SRRM4: variants seen among roughly 807,000 people sequenced by gnomAD.
SRRM4 encodes serine/arginine repetitive matrix protein 4.
A neutral mutation model predicts 68.9 loss-of-function variants in SRRM4; 33 were observed. The observed-to-expected ratio is 0.48, with a 90% CI of 0.36 to 0.64. SRRM4 has a LOEUF of 0.64. SRRM4 is among the 30% of genes least tolerant of loss of function. SRRM4 has a pLI of 0.00. For missense variants in SRRM4, 817 were observed against 827.1 expected, an observed-to-expected ratio of 0.99 and a Z score of 0.15; for synonymous variants, 318 against 318.8, an observed-to-expected ratio of 1.00 and a Z score of 0.03.
intron 2 of SRRM4, among the ~76,000 whole-genome samples, chr12:119,106,400 A>C (rs999133826): frequency 1.6e-4 from 24 of 152,254 alleles, no homozygotes; most frequent in Non-Finnish European, 3.1e-4. Context: ...TACCTTGGGC[A>C]GTATGGCCAT....
At chr12:119,055,081 C>T (rs1250603130) in intron 1 of SRRM4, among the ~76,000 whole-genome samples, 2 of 152,102 alleles carry the variant, frequency 1.3e-5, no homozygotes, top group Non-Finnish European at 2.9e-5. Flanking sequence ...AGGGGCTTGT[C>T]CCTCAGAGAA....
chr12:119,114,534 A>C (rs1565911247), intron 3 of SRRM4, among the ~76,000 whole-genome samples, 170 bp downstream of exon 3: 1 of 152,050 alleles, frequency 6.6e-6, no homozygotes, highest in Non-Finnish European at 1.5e-5. Flanking sequence ...TTTTTATTAT[A>C]CTTCTCCAAA....
rs1020873483 is a variant in SRRM4 at position 119,126,789 on chromosome 12, G to A, written c.614+1310G>A. On this transcript the variant is annotated intron_variant, in intron 7 of 12. Transcript: ENST00000267260. The stretch of plus-strand genomic sequence containing the variant: ...GTTTATTGCGGCATTATTCACAATA[G>A]CAAAGACTTGGAACCAACCCAAATG... Among the ~76,000 whole-genome samples the A allele has an allele frequency of 1.7e-4, 26 of 151,416 alleles. No homozygotes were observed. The South Asian group carries it at 2.7e-3, about 16-fold the overall frequency.
chr12:119,156,894 G>A lies in SRRM4; in HGVS notation c.*96G>A. 1 of 1,393,984 alleles carries A rather than the reference G, an allele frequency of 7.2e-7. No homozygotes were observed. Among genetic ancestry groups the A allele is most frequent in the Non-Finnish European group, 9.5e-7 (1 of 1,058,096 alleles). 86.4% of individuals were successfully genotyped at this position (1,393,984 alleles called of 1,614,324 possible). A position where few individuals can be genotyped will look rare whatever the true frequency, so the allele number is the denominator to read the frequency against. On this transcript the variant is annotated 3_prime_UTR_variant, in exon 13 of 13. Coordinates refer to ENST00000267260, the MANE Select transcript of SRRM4 (RefSeq NM_194286.4). Reference sequence around the variant, plus strand: ...GCCTTCTTGGTGACAAATAGTGAGGGCTCCTATACCTTGTCCTTCCTGCTT... The same window carrying A: ...GCCTTCTTGGTGACAAATAGTGAGGACTCCTATACCTTGTCCTTCCTGCTT...
At chr12:119,152,096 C>T (rs901609246) in intron 10 of SRRM4, among the ~76,000 whole-genome samples, 2 of 152,172 alleles carry the variant, frequency 1.3e-5, no homozygotes, top group Non-Finnish European at 2.9e-5. Context: ...CATGAAATCT[C>T]AGAAATCGGA....
chr12:119,023,582 T>A (rs1433312290), intron 1 of SRRM4, among the ~76,000 whole-genome samples: 1 of 152,224 alleles, frequency 6.6e-6, no homozygotes, highest in East Asian at 1.9e-4. Flanking sequence ...TCTGGTCTCC[T>A]GAAAGCAGCC....
At chr12:119,024,782 G>T (rs1201092852) in intron 1 of SRRM4, among the ~76,000 whole-genome samples, 1 of 152,086 alleles carries the variant, frequency 6.6e-6, no homozygotes, top group Non-Finnish European at 1.5e-5. Flanking sequence ...TCCAACCCAG[G>T]CTGATGCTGG....
chr12:119,152,327 C>T (rs983846247), intron 10 of SRRM4, among the ~76,000 whole-genome samples: 1 of 152,060 alleles, frequency 6.6e-6, no homozygotes, highest in Non-Finnish European at 1.5e-5. Context: ...AATAGAAGAG[C>T]AAATCAGGCT....
chr12:119,009,147 C>A (rs1351044643), intron 1 of SRRM4, among the ~76,000 whole-genome samples: 1 of 152,152 alleles, frequency 6.6e-6, no homozygotes, highest in African/African-American at 2.4e-5. Context: ...CCCTCCCAGG[C>A]CCGCTGCAGC....
Position 118,990,862 on chromosome 12 carries a change from C to T in SRRM4, c.131+8849C>T, listed in dbSNP as rs931769463. 3.3e-4 allele frequency among the ~76,000 whole-genome samples: 50 copies of T among 152,178 alleles called. 2 individuals are homozygous for T. Among genetic ancestry groups the T allele is most frequent in the Non-Finnish European group, 4.4e-5 (3 of 68,030 alleles). Reference sequence around the variant, plus strand: ...TGAGATGGAGTCTCGCTCTGTCACCCAGGCTGGAGTGCAGTGGTGCGAACT... The same window carrying T: ...TGAGATGGAGTCTCGCTCTGTCACCTAGGCTGGAGTGCAGTGGTGCGAACT... On this transcript the variant is annotated intron_variant, in intron 1 of 12. Coordinates refer to ENST00000267260, the MANE Select transcript of SRRM4 (RefSeq NM_194286.4).
chr12:119,112,880 A>C (rs1954153378), intron 2 of SRRM4, among the ~76,000 whole-genome samples: 1 of 152,162 alleles, frequency 6.6e-6, no homozygotes, highest in Non-Finnish European at 1.5e-5. Flanking sequence ...TGACGGGTTG[A>C]TAGGTGCAGC....
intron 7 of SRRM4, among the ~76,000 whole-genome samples, chr12:119,125,840 G>C (rs983136492): frequency 1.3e-5 from 2 of 151,386 alleles, no homozygotes; most frequent in African/African-American, 4.9e-5. Flanking sequence ...AGAATCGCTT[G>C]AACCCAGGAG....
rs1185496603 is a variant in SRRM4 at position 119,160,277 on chromosome 12, G to GTCTCTCTC, written c.*3483_*3490dup. The GTCTCTCTC allele has an allele frequency of 9.2e-5, 12 of 131,102 alleles. No homozygotes were observed. The highest frequency in any genetic ancestry group is 3.2e-4 in the African/African-American group (11 of 34,436). The allele number at this position is 131,102 out of a possible 1,614,324, so 8.1% of individuals were successfully genotyped here. A position where few individuals can be genotyped will look rare whatever the true frequency, so the allele number is the denominator to read the frequency against. On this transcript the variant is annotated 3_prime_UTR_variant, in exon 13 of 13. Transcript: ENST00000267260. ...TCTCTCTCTCTCTGTCTCTCTCTCT[G>GTCTCTCTC]TCTCTCTCTCTGTCTCTCTCTCTCT...
chr12:119,049,011 C>T (rs553811732), intron 1 of SRRM4, among the ~76,000 whole-genome samples: 55 of 152,148 alleles, frequency 3.6e-4, no homozygotes, highest in Non-Finnish European at 7.5e-4. Flanking sequence ...CTACTGTGTG[C>T]CAGACACTGT....
At chr12:119,146,183 C>A (rs1435223109) in intron 9 of SRRM4, among the ~76,000 whole-genome samples, 1 of 152,082 alleles carries the variant, frequency 6.6e-6, no homozygotes, top group Non-Finnish European at 1.5e-5. Flanking sequence ...GCTAATGAGT[C>A]GAACCTTCCC....
At chr12:119,061,050 T>C (rs1294213779) in intron 1 of SRRM4, among the ~76,000 whole-genome samples, 1 of 151,604 alleles carries the variant, frequency 6.6e-6, no homozygotes, top group African/African-American at 2.4e-5. Context: ...TAGTATGGAA[T>C]GTGTGTGTGT....
At chr12:119,103,819 A>G (rs548641700) in intron 2 of SRRM4, among the ~76,000 whole-genome samples, 2 of 152,306 alleles carry the variant, frequency 1.3e-5, no homozygotes, top group Non-Finnish European at 2.9e-5. Flanking sequence ...CCTGGCCAAC[A>G]TGGTGAAACC....
chr12:119,071,895 A>T (rs185470876), intron 1 of SRRM4, among the ~76,000 whole-genome samples: 2 of 152,336 alleles, frequency 1.3e-5, no homozygotes, highest in Admixed American at 1.3e-4. Context: ...CCTGGAACCT[A>T]GTCAGTGTCT....
At chr12:119,097,765 T>C (rs926427867) in intron 1 of SRRM4, among the ~76,000 whole-genome samples, 3 of 152,180 alleles carry the variant, frequency 2.0e-5, no homozygotes, top group African/African-American at 7.2e-5. Flanking sequence ...ACCTAAGCCT[T>C]ACACCCCAGG....
Sources: allele counts gnomAD v4.1 joint callset (sites outside exome capture counted in the v4.1 genomes callset), GRCh38; gene constraint gnomAD v4.1.1; transcripts MANE v1.5; gene names NCBI Gene and HGNC (gene_info 2026-07-23, HGNC 2026-07-21).